Variants in ARB2A observed in about 807,000 individuals in gnomAD.
ARB2A encodes ARB2 cotranscriptional regulator A.
chr5:93,742,600 G>A, the ARB2A span, among the ~76,000 whole-genome samples: 5 of 152,168 alleles, frequency 3.3e-5, no homozygotes, highest in African/African-American at 4.8e-5. Context: ...ACCTTGGCTA[G>A]ACAATCATAG....
At chr5:94,033,998 G>A in the ARB2A span, among the ~76,000 whole-genome samples, 1 of 152,166 alleles carries the variant, frequency 6.6e-6, no homozygotes, top group Admixed American at 6.5e-5. Context: ...AAGTGAGGTT[G>A]TCTCTTGTGT....
the ARB2A span, among the ~76,000 whole-genome samples, chr5:93,923,081 C>T: frequency 6.6e-6 from 1 of 152,020 alleles, no homozygotes; most frequent in Non-Finnish European, 1.5e-5. Context: ...AAGCCCTCCT[C>T]TTTCTCCTCC....
At chr5:93,711,996 T>C in the ARB2A span, among the ~76,000 whole-genome samples, 1 of 152,154 alleles carries the variant, frequency 6.6e-6, no homozygotes, top group Non-Finnish European at 1.5e-5. Context: ...GCTGAGAGAC[T>C]AGATGAACTC....
the ARB2A span, among the ~76,000 whole-genome samples, chr5:93,873,003 A>G: frequency 1.3e-5 from 2 of 152,200 alleles, no homozygotes; most frequent in Non-Finnish European, 2.9e-5. Flanking sequence ...ACACTTCAGT[A>G]TAATATTCAA....
At chr5:93,958,083 A>C in the ARB2A span, among the ~76,000 whole-genome samples, 1 of 152,072 alleles carries the variant, frequency 6.6e-6, no homozygotes, top group Non-Finnish European at 1.5e-5. Context: ...ACATTAAAAT[A>C]TGCCAATATT....
At chr5:93,820,457 A>G in the ARB2A span, among the ~76,000 whole-genome samples, 1 of 152,234 alleles carries the variant, frequency 6.6e-6, no homozygotes. Context: ...CAAAAACTGC[A>G]TTGTTTTAAA....
At chr5:93,840,830 C>G in the ARB2A span, among the ~76,000 whole-genome samples, 1 of 152,220 alleles carries the variant, frequency 6.6e-6, no homozygotes, top group South Asian at 2.1e-4. Context: ...CTGTGTGGTT[C>G]TAGTGTTTGA....
chr5:93,797,939 C>T, the ARB2A span, among the ~76,000 whole-genome samples: 7 of 151,872 alleles, frequency 4.6e-5, no homozygotes, highest in African/African-American at 1.7e-4. Flanking sequence ...TAAATATCAA[C>T]AAAACATCAA....
the ARB2A span, among the ~76,000 whole-genome samples, chr5:94,086,491 T>C: frequency 2.6e-5 from 4 of 151,666 alleles, no homozygotes; most frequent in African/African-American, 7.3e-5. Context: ...GTTTAGCATA[T>C]ACAAATACAT....
chr5:93,863,859 T>A, the ARB2A span: 2 of 152,144 alleles, frequency 1.3e-5, no homozygotes, highest in African/African-American at 4.8e-5. Context: ...TTTAAAATTT[T>A]AAAATTTTTT....
the ARB2A span, among the ~76,000 whole-genome samples, chr5:93,992,033 T>C: frequency 6.6e-6 from 1 of 151,774 alleles, no homozygotes; most frequent in Admixed American, 6.6e-5. Flanking sequence ...AACAACACAT[T>C]ACATAGAGGG....
At chr5:93,950,578 G>T in the ARB2A span, among the ~76,000 whole-genome samples, 2 of 151,994 alleles carry the variant, frequency 1.3e-5, no homozygotes, top group African/African-American at 4.8e-5. Context: ...GGGAGGTGAA[G>T]GTTGTAGTGA....
chr5:93,946,962 AT>A, the ARB2A span, among the ~76,000 whole-genome samples: 2 of 152,052 alleles, frequency 1.3e-5, no homozygotes, highest in African/African-American at 4.8e-5. Context: ...GAAGAGTATT[AT>A]ATGTTATTCT....
the ARB2A span, among the ~76,000 whole-genome samples, chr5:93,942,864 T>A: frequency 5.3e-5 from 8 of 152,144 alleles, no homozygotes; most frequent in Non-Finnish European, 1.2e-4. Flanking sequence ...CATGTGTAAG[T>A]GTACTTTTTA....
the ARB2A span, among the ~76,000 whole-genome samples, chr5:93,677,703 T>C: frequency 6.6e-6 from 1 of 152,220 alleles, no homozygotes; most frequent in East Asian, 1.9e-4. Flanking sequence ...CTGTTAATGA[T>C]GTTCAGTTTT....
the ARB2A span, among the ~76,000 whole-genome samples, chr5:93,941,154 G>A: frequency 7.9e-5 from 12 of 152,096 alleles, no homozygotes; most frequent in Admixed American, 1.3e-4. Flanking sequence ...CGGCTTCCCC[G>A]TTCCTTGAAA....
At chr5:93,965,854 C>G in the ARB2A span, among the ~76,000 whole-genome samples, 52 of 152,078 alleles carry the variant, frequency 3.4e-4, no homozygotes, top group Non-Finnish European at 6.3e-4. Flanking sequence ...GTCCAAAATT[C>G]TTTCTTCTAT....
At chr5:93,707,729 C>G in the ARB2A span, among the ~76,000 whole-genome samples, 2 of 152,060 alleles carry the variant, frequency 1.3e-5, no homozygotes, top group Middle Eastern at 3.4e-3. Flanking sequence ...TGCCCGCCCC[C>G]ACGCCTGGCT....
chr5:93,729,821 T>C, the ARB2A span, among the ~76,000 whole-genome samples: 1 of 152,112 alleles, frequency 6.6e-6, no homozygotes, highest in Non-Finnish European at 1.5e-5. Flanking sequence ...ATTTATAAGA[T>C]GTTCCACTGA....
Sources: gnomAD v4.1 joint callset for allele counts (sites outside exome capture counted in the v4.1 genomes callset) on GRCh38, gnomAD v4.1.1 for gene constraint, MANE v1.5 for transcripts, NCBI Gene and HGNC (gene_info 2026-07-23, HGNC 2026-07-21) for gene names.